RALGAPA2: variants seen among roughly 807,000 people sequenced by gnomAD.
RALGAPA2 encodes the protein ral GTPase-activating protein subunit alpha-2.
In RALGAPA2, 139 loss-of-function variants were observed where a neutral mutation model predicts 230.4. That is an observed-to-expected ratio of 0.60 (90% CI 0.53 to 0.69). RALGAPA2 has a LOEUF of 0.69. Among genes scored for constraint, RALGAPA2 ranks in the 30% least tolerant of loss-of-function variants. The pLI is 0.00. For synonymous variants in RALGAPA2, 847 were observed against 837.8 expected, an observed-to-expected ratio of 1.01 and a Z score of -0.19; for missense variants, 2,163 against 2,276.0, an observed-to-expected ratio of 0.95 and a Z score of 1.01.
intron 37 of RALGAPA2, among the ~76,000 whole-genome samples, chr20:20,458,561 T>TTA (rs567469481): frequency 2.3e-5 from 3 of 128,352 alleles, no homozygotes; most frequent in African/African-American, 3.3e-5. Context: ...TTTATATATA[T>TTA]TATATATATA....
Position 20,637,507 on chromosome 20 carries a change from G to A in RALGAPA2, c.667-6C>T. 1 of 1,552,486 alleles carries A rather than the reference G, an allele frequency of 6.4e-7. No individual in the cohort carries two copies. The highest frequency in any genetic ancestry group is 1.2e-5 in the South Asian group (1 of 83,770). Reference sequence around the variant, plus strand: ...TTCCACTCCAAGCTCGCAGCCTTTGGATAATATGTGGAAAAGAACATATGT... The same window carrying A: ...TTCCACTCCAAGCTCGCAGCCTTTGAATAATATGTGGAAAAGAACATATGT... On this transcript the variant is annotated splice_polypyrimidine_tract_variant and splice_region_variant and intron_variant, in intron 7 of 39. Transcript: ENST00000202677.
At chr20:20,681,997 C>T (rs1379366389) in intron 1 of RALGAPA2, among the ~76,000 whole-genome samples, 1 of 152,222 alleles carries the variant, frequency 6.6e-6, no homozygotes, top group African/African-American at 2.4e-5. Context: ...TTTTGCAGTC[C>T]TAACACTGTG....
At chr20:20,547,497 T>C (rs2063806342) in intron 23 of RALGAPA2, among the ~76,000 whole-genome samples, 1 of 152,204 alleles carries the variant, frequency 6.6e-6, no homozygotes, top group African/African-American at 2.4e-5. Context: ...TGGCCTCTCA[T>C]TGATGGCTGG....
intron 37 of RALGAPA2, among the ~76,000 whole-genome samples, chr20:20,445,123 T>A (rs2060831453): frequency 6.6e-6 from 1 of 152,248 alleles, no homozygotes; most frequent in Non-Finnish European, 1.5e-5. Context: ...GGAAACTTCA[T>A]AATAGGTATG....
At chr20:20,469,770 C>T (rs1455083463) in intron 37 of RALGAPA2, among the ~76,000 whole-genome samples, 1 of 152,142 alleles carries the variant, frequency 6.6e-6, no homozygotes, top group Non-Finnish European at 1.5e-5. Flanking sequence ...AATCTTTAGT[C>T]GGCTTGGGAA....
At chr20:20,422,502 T>C (rs2060297262) in intron 37 of RALGAPA2, among the ~76,000 whole-genome samples, 1 of 152,028 alleles carries the variant, frequency 6.6e-6, no homozygotes. Context: ...GCCTGGGAAG[T>C]TGAGGCTGCA....
Position 20,393,208 on chromosome 20 carries a change from C to T in RALGAPA2, c.*81G>A. On this transcript the variant is annotated 3_prime_UTR_variant, in exon 40 of 40. Transcript: ENST00000202677. The stretch of plus-strand genomic sequence containing the variant: ...GAGAGGGTGTTCTGTCTCCTCCTCA[C>T]TCAGGGGCTCTTCGAGGTCAGCACT... The T allele has an allele frequency of 7.4e-7, 1 of 1,351,852 alleles. No individual in the cohort carries two copies. Among genetic ancestry groups the T allele is most frequent in the Non-Finnish European group, 9.9e-7 (1 of 1,014,896 alleles). 83.7% of individuals were successfully genotyped at this position (1,351,852 alleles called of 1,614,324 possible).
At chr20:20,439,788 A>G (rs1027939511) in intron 37 of RALGAPA2, among the ~76,000 whole-genome samples, 7 of 152,230 alleles carry the variant, frequency 4.6e-5, no homozygotes, top group African/African-American at 9.6e-5. Flanking sequence ...ACTGAAATGT[A>G]CACACCATGA....
chr20:20,415,935 C>G (rs2060155505), intron 37 of RALGAPA2, among the ~76,000 whole-genome samples: 1 of 152,130 alleles, frequency 6.6e-6, no homozygotes, highest in South Asian at 2.1e-4. Context: ...TTAGAAATGA[C>G]AGTAGCAGCA....
intron 38 of RALGAPA2, among the ~76,000 whole-genome samples, chr20:20,400,330 C>A (rs2122656605): frequency 6.6e-6 from 1 of 152,288 alleles, no homozygotes; most frequent in East Asian, 1.9e-4. Flanking sequence ...TTGGTCTTGC[C>A]CATCACCCTT....
In RALGAPA2 at chr20:20,591,269, G is replaced by C. The variant is rs1463484918; in HGVS notation, c.2249C>G (p.Ser750Cys). 6.2e-7 allele frequency: 1 copy of C among 1,613,900 alleles called. No individual in the cohort carries two copies. The highest frequency in any genetic ancestry group is 2.2e-5 in the East Asian group (1 of 44,868). The change falls in exon 17 of 40, where the codon TCT (serine) becomes TGT (cysteine). Residue 750 changes from serine (S) to cysteine (C), a missense_variant. Ser to Cys is a moderately radical substitution (Grantham distance 112, BLOSUM62 -1). Coordinates refer to ENST00000202677, the MANE Select transcript of RALGAPA2 (RefSeq NM_020343.4). ...CTGCTGTCCCACTGTGAGATGGCCAGATCCGGCTGCAGGTGCATTTTCTGA... is the reference window on the plus strand; with the variant it reads ...CTGCTGTCCCACTGTGAGATGGCCACATCCGGCTGCAGGTGCATTTTCTGA... The part of the protein sequence containing the change: ...QQSENAPAAG[S>C]GHLTVGQQQQ...
At chr20:20,558,283 G>C (rs2064150044) in intron 23 of RALGAPA2, among the ~76,000 whole-genome samples, 1 of 152,218 alleles carries the variant, frequency 6.6e-6, no homozygotes, top group Admixed American at 6.5e-5. Flanking sequence ...TGGGATTACA[G>C]GGAAAAGGCA....
chr20:20,464,339 A>G (rs1325211220), intron 37 of RALGAPA2, among the ~76,000 whole-genome samples: 1 of 152,292 alleles, frequency 6.6e-6, no homozygotes, highest in East Asian at 1.9e-4. Context: ...TAGGCATTAC[A>G]AGCCTGTTTT....
At chr20:20,475,656 T>C (rs1388471247) in intron 36 of RALGAPA2, among the ~76,000 whole-genome samples, 1 of 152,144 alleles carries the variant, frequency 6.6e-6, no homozygotes, top group African/African-American at 2.4e-5. Context: ...AAAGATTAAG[T>C]ATTTTCTAAA....
At chr20:20,428,305 T>A (rs2060429148) in intron 37 of RALGAPA2, among the ~76,000 whole-genome samples, 1 of 151,852 alleles carries the variant, frequency 6.6e-6, no homozygotes, top group African/African-American at 2.4e-5. Context: ...CCTCATAGAG[T>A]CACTTGATAT....
At position 20,546,823 on chromosome 20, in the gene RALGAPA2, T is replaced by C; in HGVS notation, c.3166A>G (p.Asn1056Asp). Residue 1056 changes from asparagine (N) to aspartate (D), a missense_variant, in exon 24 of 40, where the codon AAT becomes GAT. By Grantham distance (23) the Asn-to-Asp change is conservative. Transcript: ENST00000202677. ...GGTGGACAGTGCCTTATGATCGTAT[T>C]TAAGATATCCTAAAAGGGAAGATAA... ...GLTSEDQDILNTIIRHCPPRF... is the reference protein window; with the variant it reads ...GLTSEDQDILDTIIRHCPPRF... The C allele has an allele frequency of 6.3e-7, 1 of 1,582,692 alleles. No individual in the cohort carries two copies. The highest frequency in any genetic ancestry group is 8.5e-7 in the Non-Finnish European group (1 of 1,170,952).
intron 19 of RALGAPA2, 69 bp downstream of exon 19, chr20:20,584,796 T>TAAA: frequency 3.4e-6 from 4 of 1,192,300 alleles, no homozygotes; most frequent in Non-Finnish European, 4.8e-6. Flanking sequence ...ATAATAATAA[T>TAAA]AAAATGTAAA....
Position 20,392,989 on chromosome 20 carries a change from T to G in RALGAPA2, c.*300A>C. ...TCTGGTTTTTGGTGACTTTTTCTTT[T>G]CTTCTTTGGAAGTCCAAGGTTTGTG... is the stretch of plus-strand genomic sequence containing the variant. On this transcript the variant is annotated 3_prime_UTR_variant, in exon 40 of 40. Coordinates refer to ENST00000202677, the MANE Select transcript of RALGAPA2 (RefSeq NM_020343.4). The G allele has an allele frequency of 9.1e-7, 1 of 1,094,242 alleles. No homozygotes were observed. Among genetic ancestry groups the G allele is most frequent in the Non-Finnish European group, 1.2e-6 (1 of 823,874 alleles). The allele number at this position is 1,094,242 out of a possible 1,614,324, so 67.8% of individuals were successfully genotyped here.
Position 20,619,340 on chromosome 20 carries a change from G to T in RALGAPA2, c.1476C>A (p.Ser492Arg), listed in dbSNP as rs1055822336. ...TTTCCTCCTCTGTCACACACCCTCT[G>T]CTCATTGCACTTGTGAAGGAGTATG... ...GRTYSFTSAM[S>R]RGCVTEEENT... is the part of the protein sequence containing the mutation. The change falls in exon 12 of 40, where the codon AGC becomes AGA. Residue 492 changes from serine to arginine, a missense_variant. Transcript: ENST00000202677. The T allele has an allele frequency of 6.2e-7, 1 of 1,612,250 alleles. No homozygotes were observed. Among genetic ancestry groups the T allele is most frequent in the Non-Finnish European group, 8.5e-7 (1 of 1,178,846 alleles).
Sources: gnomAD v4.1 joint callset for allele counts (sites outside exome capture counted in the v4.1 genomes callset) on GRCh38, gnomAD v4.1.1 for gene constraint, MANE v1.5 for transcripts, NCBI Gene and HGNC (gene_info 2026-07-23, HGNC 2026-07-21) for gene names.